FKBP5: variants seen among roughly 807,000 people sequenced by gnomAD.
The protein encoded by FKBP5 is peptidyl-prolyl cis-trans isomerase FKBP5.
A neutral mutation model predicts 50.5 loss-of-function variants in FKBP5; 23 were observed. The observed-to-expected ratio is 0.46, with a 90% CI of 0.33 to 0.65. The LOEUF (loss-of-function observed/expected upper bound fraction) is 0.65, where lower values mean the gene tolerates loss of function less well. Ranked by LOEUF, FKBP5 falls within the 30% of genes least tolerant of loss-of-function variation. The pLI, the probability that FKBP5 is intolerant of heterozygous loss-of-function variation, is 0.02. For missense variants in FKBP5, 411 were observed against 553.1 expected (o/e 0.74, Z 2.58); for synonymous variants, 176 against 190.6 (o/e 0.92, Z 0.63).
chr6:35,616,055 G>GT (rs1763643819), intron 5 of FKBP5, among the ~76,000 whole-genome samples: 2 of 152,282 alleles, frequency 1.3e-5, no homozygotes, highest in South Asian at 4.1e-4. Flanking sequence ...GCTCATGCCT[G>GT]TAATCCCAGC....
chr6:35,578,137 A>G lies in FKBP5; in HGVS notation c.1027-904T>C, dbSNP rs116582064. Among the ~76,000 whole-genome samples the G allele has an allele frequency of 3.2e-3, 487 of 152,210 alleles. 2 individuals carry two copies. Among genetic ancestry groups the G allele is most frequent in the African/African-American group, 7.2e-3 (298 of 41,544 alleles). On this transcript the variant is annotated intron_variant, in intron 9 of 10. Transcript: ENST00000357266. ...TAGATCAACCATATTTACATATTAAAAAAAACCATAAAATGTTTCAATTAT... is the reference window on the plus strand; with the variant it reads ...TAGATCAACCATATTTACATATTAAGAAAAACCATAAAATGTTTCAATTAT...
At chr6:35,614,888 G>A (rs1328485778) in intron 5 of FKBP5, among the ~76,000 whole-genome samples, 2 of 152,004 alleles carry the variant, frequency 1.3e-5, no homozygotes, top group East Asian at 3.9e-4. Flanking sequence ...ACTTTGGGAG[G>A]CCAAGGCAGG....
intron 3 of FKBP5, among the ~76,000 whole-genome samples, chr6:35,636,340 TACTC>T (rs971235163): frequency 6.6e-6 from 1 of 152,222 alleles, no homozygotes; most frequent in Non-Finnish European, 1.5e-5. Flanking sequence ...GTGACAGACT[TACTC>T]CATTCATTCT....
chr6:35,585,701 C>G (rs1762577527), intron 8 of FKBP5: 1 of 948,212 alleles, frequency 1.1e-6, no homozygotes, highest in Admixed American at 6.2e-5. Flanking sequence ...TTGAATACCA[C>G]CCACAGTAAG....
intron 1 of FKBP5, among the ~76,000 whole-genome samples, chr6:35,683,085 TAAAA>T (rs960356923): frequency 6.8e-6 from 1 of 146,640 alleles, no homozygotes; most frequent in Non-Finnish European, 1.5e-5. Context: ...GCTCTTTCTT[TAAAA>T]AAAAAAGTGT....
chr6:35,689,281 G>A (rs931677728), upstream of FKBP5, among the ~76,000 whole-genome samples: 8 of 152,150 alleles, frequency 5.3e-5, no homozygotes, highest in Non-Finnish European at 1.0e-4. Context: ...TGAAGGCACT[G>A]CCCCTCCTAT....
At chr6:35,615,430 G>A (rs1252285852) in intron 5 of FKBP5, among the ~76,000 whole-genome samples, 2 of 151,914 alleles carry the variant, frequency 1.3e-5, no homozygotes, top group African/African-American at 4.8e-5. Flanking sequence ...GTGTCTTGTG[G>A]TACCAGAAAA....
chr6:35,693,162 TC>T (rs768045720), upstream of FKBP5, among the ~76,000 whole-genome samples: 2 of 81,808 alleles, frequency 2.4e-5, no homozygotes, highest in African/African-American at 4.0e-5. Flanking sequence ...TTTCTCTCTC[TC>T]TTTTTTTTTT....
intron 1 of FKBP5, among the ~76,000 whole-genome samples, chr6:35,686,413 T>C (rs1765828288): frequency 6.6e-6 from 1 of 152,196 alleles, no homozygotes; most frequent in South Asian, 2.1e-4. Flanking sequence ...GCAACTTTAT[T>C]GTATGTGGTT....
At chr6:35,591,103 AT>A in intron 7 of FKBP5, 26 bp downstream of exon 7, 1 of 1,481,402 alleles carries the variant, frequency 6.8e-7, no homozygotes, top group Non-Finnish European at 9.4e-7. Flanking sequence ...ACCTACCATA[AT>A]TTTAAGGAAG....
intron 8 of FKBP5, chr6:35,580,474 G>T: frequency 1.0e-5 from 3 of 296,348 alleles, no homozygotes; most frequent in Middle Eastern, 9.8e-4. Flanking sequence ...TTCAGCAGGT[G>T]TAGTACAGCA....
At chr6:35,648,077 G>A (rs933834676) in intron 1 of FKBP5, among the ~76,000 whole-genome samples, 3 of 150,196 alleles carry the variant, frequency 2.0e-5, no homozygotes, top group Non-Finnish European at 4.5e-5. Flanking sequence ...ACTGATGTCT[G>A]GACTCCAGCC....
In FKBP5 at chr6:35,710,288, G is replaced by A. The variant is rs1232752221; in HGVS notation, c.-20+10040C>T. ...GAGCCCAGGAGTTCGAGACCAGCCT[G>A]GACAACATAGGAAACCCAGTCTCTA... On this transcript the variant is annotated intron_variant, in intron 2 of 11. Transcript: ENST00000536438. Among the ~76,000 whole-genome samples the A allele has an allele frequency of 4.6e-5, 7 of 152,020 alleles. No individual in the cohort carries two copies. The East Asian group carries it at 1.3e-3, about 29-fold the overall frequency.
intron 1 of FKBP5, among the ~76,000 whole-genome samples, chr6:35,662,779 A>C (rs1340134575): frequency 6.6e-6 from 1 of 152,154 alleles, no homozygotes; most frequent in African/African-American, 2.4e-5. Flanking sequence ...GTTGTTTGAA[A>C]GCCAATAGTT....
chr6:35,618,023 TA>T (rs1763712226), intron 5 of FKBP5, among the ~76,000 whole-genome samples: 1 of 152,226 alleles, frequency 6.6e-6, no homozygotes. Flanking sequence ...AACTATTTTT[TA>T]ATCTTGATGA....
intron 5 of FKBP5, among the ~76,000 whole-genome samples, chr6:35,613,375 C>T (rs1199517053): frequency 1.3e-5 from 2 of 152,140 alleles, no homozygotes; most frequent in African/African-American, 4.8e-5. Flanking sequence ...CAACCACTCC[C>T]AGCTAATTGT....
At chr6:35,726,045 G>T (rs771389343) in intron 1 of FKBP5, among the ~76,000 whole-genome samples, 1 of 152,204 alleles carries the variant, frequency 6.6e-6, no homozygotes, top group Admixed American at 6.5e-5. Flanking sequence ...ATGCATGGGG[G>T]TGTTTGGGGG....
At chr6:35,582,517 G>A (rs1351341211) in intron 8 of FKBP5, 3 of 439,364 alleles carry the variant, frequency 6.8e-6, no homozygotes, top group Non-Finnish European at 9.1e-6. Flanking sequence ...GGCCATGTGA[G>A]AACACAGCAA....
intron 1 of FKBP5, among the ~76,000 whole-genome samples, chr6:35,727,325 G>A (rs760861478): frequency 9.9e-5 from 15 of 152,204 alleles, no homozygotes; most frequent in Non-Finnish European, 2.2e-4. Flanking sequence ...TTCCACAGAA[G>A]GATGGGTAAG....
Sources: gnomAD v4.1 joint callset for allele counts (sites outside exome capture counted in the v4.1 genomes callset) on GRCh38, gnomAD v4.1.1 for gene constraint, MANE v1.5 for transcripts, NCBI Gene and HGNC (gene_info 2026-07-23, HGNC 2026-07-21) for gene names.